Variants in PTPN14 observed in about 807,000 individuals in gnomAD.
PTPN14 encodes protein tyrosine phosphatase non-receptor type 14, also known as tyrosine-protein phosphatase non-receptor type 14.
In PTPN14, 53 loss-of-function variants were observed where a neutral mutation model predicts 126.8. The ratio of observed to expected loss-of-function variants is 0.42; its 90% CI spans 0.34 to 0.53. PTPN14 has a LOEUF of 0.53. Among genes scored for constraint, PTPN14 ranks in the 20% least tolerant of loss-of-function variants. PTPN14 has a pLI of 0.08. For synonymous variants in PTPN14, 630 were observed against 599.3 expected (o/e 1.05, Z -0.75); for missense variants, 1,257 against 1,552.9 (o/e 0.81, Z 3.20).
At chr1:214,536,507 G>T (rs1655712091) in intron 1 of PTPN14, among the ~76,000 whole-genome samples, 1 of 152,028 alleles carries the variant, frequency 6.6e-6, no homozygotes, top group Non-Finnish European at 1.5e-5. Flanking sequence ...CAAGTTAGCT[G>T]GGCATGGTGG....
In PTPN14 at chr1:214,394,460, T is replaced by C. The variant is rs368808296; in HGVS notation, c.846+439A>G. ...TCTAGCTCTGTTGTCCAGGCCGGAG[T>C]GCAGTGGCGCAATCTTGGCTCATTG... On this transcript the variant is annotated intron_variant, in intron 9 of 18. Transcript: ENST00000366956. 4.1e-4 allele frequency among the ~76,000 whole-genome samples: 62 copies of C among 152,320 alleles called. 1 individual carries two copies. Among genetic ancestry groups the C allele is most frequent in the African/African-American group, 1.4e-3 (59 of 41,586 alleles).
rs1283981880 is a variant in PTPN14 at position 214,495,667 on chromosome 1, A to T, written c.-154-30710T>A. 1.5e-3 allele frequency among the ~76,000 whole-genome samples: 5 copies of T among 3,400 alleles called. No homozygotes were observed. In the East Asian group the frequency reaches 0.028, roughly 19 times the overall value. 2.2% of individuals were successfully genotyped at this position (3,400 alleles called of 152,430 possible). ...TATCATGTGCTATTTTATTTTTTTT[A>T]TTTATTTATTTATTTATTTATTTAT... On this transcript the variant is annotated intron_variant, in intron 1 of 18. Coordinates refer to ENST00000366956, the MANE Select transcript of PTPN14 (RefSeq NM_005401.5).
At chr1:214,492,553 G>A (rs568609645) in intron 1 of PTPN14, among the ~76,000 whole-genome samples, 1 of 152,320 alleles carries the variant, frequency 6.6e-6, no homozygotes, top group South Asian at 2.1e-4. Context: ...TGATGACAGA[G>A]TGTAACAATG....
rs184987177 is a variant in PTPN14, at chr1:214,435,268, G to A, written c.344+16537C>T. 2.9e-3 allele frequency among the ~76,000 whole-genome samples: 436 copies of A among 152,170 alleles called. 2 individuals carry two copies. The highest frequency in any genetic ancestry group is 5.0e-3 in the Non-Finnish European group (339 of 68,012). ...TGTGTGTGTGTGCGTGTGTGTGTGTGTGTGTTGAGATAAAATGCAAGTATC... is the reference window on the plus strand; with the variant it reads ...TGTGTGTGTGTGCGTGTGTGTGTGTATGTGTTGAGATAAAATGCAAGTATC... On this transcript the variant is annotated intron_variant, in intron 3 of 18. Transcript: ENST00000366956.
At chr1:214,512,930 G>T (rs528635461) in intron 1 of PTPN14, among the ~76,000 whole-genome samples, 1 of 151,970 alleles carries the variant, frequency 6.6e-6, no homozygotes, top group Admixed American at 6.6e-5. Flanking sequence ...AGACTCATGC[G>T]ATCTGCCCGC....
intron 3 of PTPN14, among the ~76,000 whole-genome samples, chr1:214,426,865 G>A (rs537780795): frequency 1.2e-4 from 18 of 152,248 alleles, no homozygotes; most frequent in African/African-American, 2.9e-4. Flanking sequence ...CACACCCTGC[G>A]GGCATCAGGC....
At chr1:214,511,798 A>G (rs1444389447) in intron 1 of PTPN14, among the ~76,000 whole-genome samples, 1 of 152,224 alleles carries the variant, frequency 6.6e-6, no homozygotes, top group African/African-American at 2.4e-5. Context: ...GAATGGTTGG[A>G]TAAACAACTT....
intron 3 of PTPN14, among the ~76,000 whole-genome samples, chr1:214,450,387 G>A (rs150840728): frequency 0.059 from 8,905 of 151,252 alleles, 311 homozygotes; most frequent in South Asian, 0.15. Context: ...CACGAGAATC[G>A]CTTGAACCTG....
chr1:214,476,755 C>G (rs759496659), intron 1 of PTPN14, among the ~76,000 whole-genome samples: 9 of 152,164 alleles, frequency 5.9e-5, no homozygotes, highest in Non-Finnish European at 1.3e-4. Context: ...GAAGCTGGCT[C>G]GCTCCCTGCA....
chr1:214,362,644 T>C (rs1263067812), intron 18 of PTPN14, among the ~76,000 whole-genome samples: 2 of 152,174 alleles, frequency 1.3e-5, no homozygotes, highest in Non-Finnish European at 2.9e-5. Flanking sequence ...GAATAGTCTT[T>C]CGTGTCAGAC....
At chr1:214,488,822 C>G (rs1271815636) in intron 1 of PTPN14, among the ~76,000 whole-genome samples, 2 of 152,170 alleles carry the variant, frequency 1.3e-5, no homozygotes, top group Non-Finnish European at 2.9e-5. Flanking sequence ...AATATTATTG[C>G]CTTTTCCTCA....
chr1:214,535,017 A>G (rs758510100), intron 1 of PTPN14, among the ~76,000 whole-genome samples: 6 of 152,224 alleles, frequency 3.9e-5, no homozygotes, highest in Non-Finnish European at 8.8e-5. Context: ...CAAGTTATAT[A>G]GTAGCGGATA....
intron 3 of PTPN14, among the ~76,000 whole-genome samples, chr1:214,415,538 A>G (rs1305046437): frequency 6.6e-6 from 1 of 152,208 alleles, no homozygotes; most frequent in Non-Finnish European, 1.5e-5. Context: ...AATGCTAACA[A>G]TCCTTTTGCT....
intron 1 of PTPN14, among the ~76,000 whole-genome samples, chr1:214,500,268 C>T (rs1654649463): frequency 6.6e-6 from 1 of 152,038 alleles, no homozygotes; most frequent in Non-Finnish European, 1.5e-5. Flanking sequence ...TCTTAGCAGC[C>T]TGGGACAAAG....
chr1:214,464,977 G>T lies in PTPN14; in HGVS notation c.-154-20C>A. The stretch of plus-strand genomic sequence containing the variant: ...AGATAGCTGTAAATGCAAAAGAAAT[G>T]CCATGGTCATGCTCCAGAAGGGACC... On this transcript the variant is annotated intron_variant, in intron 1 of 18. Transcript: ENST00000366956. 1.5e-6 allele frequency: 1 copy of T among 671,952 alleles called. No individual in the cohort carries two copies. The highest frequency in any genetic ancestry group is 2.4e-6 in the Non-Finnish European group (1 of 411,410). 41.6% of individuals were successfully genotyped at this position (671,952 alleles called of 1,614,324 possible).
At chr1:214,390,601 T>C (rs965108756) in intron 11 of PTPN14, among the ~76,000 whole-genome samples, 44 of 152,194 alleles carry the variant, frequency 2.9e-4, no homozygotes, top group Admixed American at 7.9e-4. Flanking sequence ...ACTAGTTTAT[T>C]AAGCTCTCTC....
In PTPN14 at chr1:214,383,321, A is replaced by ATC; in HGVS notation, c.2532_2533dup (p.Met845ArgfsTer2). 6.2e-6 allele frequency: 10 copies of ATC among 1,609,954 alleles called. No individual in the cohort carries two copies. The highest frequency in any genetic ancestry group is 7.6e-6 in the Non-Finnish European group (9 of 1,176,602). ...GAGGAGGACACTCACCCTGATCATCATCTCTCTCTCTATAATGCTGTCTTC... is the reference window on the plus strand; with the variant it reads ...GAGGAGGACACTCACCCTGATCATCATCTCTCTCTCTCTATAATGCTGTCTTC... On this transcript the variant is annotated frameshift_variant, in exon 13 of 19. Transcript: ENST00000366956. LOFTEE classifies it high-confidence loss of function. The surrounding 1 kb of genome is among the most constrained non-coding windows in gnomAD (Gnocchi z 4.4).
At chr1:214,381,241 G>A (rs1302674858) in intron 13 of PTPN14, among the ~76,000 whole-genome samples, 2 of 152,176 alleles carry the variant, frequency 1.3e-5, no homozygotes, top group Non-Finnish European at 2.9e-5. Flanking sequence ...TGAGGTTATG[G>A]GACCATGTGG....
chr1:214,368,678 T>G (rs1437866284), intron 17 of PTPN14, among the ~76,000 whole-genome samples: 3 of 152,142 alleles, frequency 2.0e-5, no homozygotes, highest in Non-Finnish European at 4.4e-5. Flanking sequence ...ACAGAAATGT[T>G]GCACCCATCA....
Sources: gnomAD v4.1 joint callset for allele counts (sites outside exome capture counted in the v4.1 genomes callset) on GRCh38, gnomAD v4.1.1 for gene constraint, Gnocchi (gnomAD v3.1) non-coding constraint, MANE v1.5 for transcripts, NCBI Gene and HGNC (gene_info 2026-07-23, HGNC 2026-07-21) for gene names.